USP36: variants seen among roughly 807,000 people sequenced by gnomAD.
USP36 encodes ubiquitin carboxyl-terminal hydrolase 36.
A neutral mutation model predicts 111.5 loss-of-function variants in USP36; 59 were observed. The observed-to-expected ratio is 0.53, with a 90% CI of 0.43 to 0.66. The LOEUF (loss-of-function observed/expected upper bound fraction) is 0.66, where lower values mean the gene tolerates loss of function less well. Ranked by LOEUF, USP36 falls within the 30% of genes least tolerant of loss-of-function variation. The pLI is 0.00. For synonymous variants in USP36, 628 were observed against 581.0 expected (o/e 1.08, Z -1.16); for missense variants, 1,488 against 1,468.0 (o/e 1.01, Z -0.22).
At chr17:78,829,082 C>T (rs1006521322) in intron 4 of USP36, 75 bp from the exon 5 acceptor site, 19 of 1,288,102 alleles carry the variant, frequency 1.5e-5, no homozygotes, top group East Asian at 7.3e-5. Flanking sequence ...CCACCCCAAA[C>T]GTTAACACAG....
Position 78,807,250 on chromosome 17 carries a change from C to G in USP36, c.1794G>C (p.Gly598=), listed in dbSNP as rs1335542626. 6.2e-7 allele frequency: 1 copy of G among 1,613,996 alleles called. No homozygotes were observed. Among genetic ancestry groups the G allele is most frequent in the Non-Finnish European group, 8.5e-7 (1 of 1,180,004 alleles). The change falls in exon 14 of 21, where the codon GGG becomes GGC. Residue 598 remains glycine, a synonymous_variant. Coordinates refer to ENST00000449938, the MANE Select transcript of USP36 (RefSeq NM_001385174.1). The stretch of plus-strand genomic sequence containing the variant: ...TGTCGAGGCCAGCGCTCTCGTCGTT[C>G]CCCTTCAGCCCATGCCCGTTGGCAG... ...TATANGHGLK[G]NDESAGLDRR... is the part of the protein sequence containing the mutation.
chr17:78,800,359 A>T (rs1162385503), intron 17 of USP36, among the ~76,000 whole-genome samples: 5 of 152,276 alleles, frequency 3.3e-5, no homozygotes. Flanking sequence ...TCCAGGGGGA[A>T]CCTGGTCCCC....
At chr17:78,816,007 G>A (rs987947474) in intron 10 of USP36, among the ~76,000 whole-genome samples, 4 of 152,008 alleles carry the variant, frequency 2.6e-5, no homozygotes, top group Non-Finnish European at 5.9e-5. Flanking sequence ...ATACATACAT[G>A]CACACACATA....
At chr17:78,810,776 G>T (rs1475582819) in intron 13 of USP36, among the ~76,000 whole-genome samples, 1 of 152,072 alleles carries the variant, frequency 6.6e-6, no homozygotes, top group Non-Finnish European at 1.5e-5. Flanking sequence ...CTGTGTGTGG[G>T]GTTCAACTCT....
chr17:78,795,060 C>G (rs929555189), downstream of USP36, among the ~76,000 whole-genome samples: 1 of 151,706 alleles, frequency 6.6e-6, no homozygotes, highest in Non-Finnish European at 1.5e-5. The surrounding 1 kb of genome is among the most constrained non-coding windows in gnomAD (Gnocchi z 4.5). Context: ...CATGTCGCCA[C>G]TGCACCCAGC....
chr17:78,812,745 G>A (rs1228928942), intron 13 of USP36, 115 bp downstream of exon 13: 27 of 810,360 alleles, frequency 3.3e-5, no homozygotes, highest in Non-Finnish European at 4.9e-5. Flanking sequence ...ACATCAACTA[G>A]AATAGTGCAA....
chr17:78,826,885 G>A, intron 6 of USP36: 1 of 580,754 alleles, frequency 1.7e-6, no homozygotes, highest in Non-Finnish European at 3.1e-6. Flanking sequence ...AAAACGACAT[G>A]ATTTTTAAGA....
chr17:78,810,238 A>G (rs1285821005), intron 13 of USP36, among the ~76,000 whole-genome samples: 2 of 151,236 alleles, frequency 1.3e-5, no homozygotes, highest in East Asian at 2.0e-4. Flanking sequence ...TCCTCCCCCA[A>G]CAGCTTACTG....
Position 78,803,735 on chromosome 17 carries a change from C to T in USP36, c.2460G>A (p.Pro820=), listed in dbSNP as rs749336576. The T allele has an allele frequency of 2.3e-5, 37 of 1,612,082 alleles. No homozygotes were observed. Among genetic ancestry groups the T allele is most frequent in the Middle Eastern group, 1.8e-4 (1 of 5,530 alleles). The change falls in exon 16 of 21, where the codon CCG becomes CCA. Residue 820 remains proline, a synonymous_variant. Transcript: ENST00000449938. The surrounding 1 kb of genome is among the most constrained non-coding windows in gnomAD (Gnocchi z 4.6). ...EKRKKTFVGE[P]QRLGSETRLP... ...GGCGCGTCTCTGAGCCCAGCCTCTG[C>T]GGCTCTCCCACAAAGGTCTTTTTCC...
intron 18 of USP36, 151 bp from the exon 19 acceptor site, chr17:78,799,174 C>T (rs756676662): frequency 9.2e-6 from 7 of 760,366 alleles, no homozygotes; most frequent in East Asian, 2.6e-5. Context: ...AAGAGGAGGA[C>T]GGCTCGACGC....
At chr17:78,810,027 A>G (rs1265670053) in intron 13 of USP36, among the ~76,000 whole-genome samples, 1 of 151,962 alleles carries the variant, frequency 6.6e-6, no homozygotes, top group African/African-American at 2.4e-5. Context: ...TTGTATTTTT[A>G]GTAGAGACAG....
At chr17:78,821,213 C>G in intron 7 of USP36, 152 bp from the exon 8 acceptor site, 1 of 650,998 alleles carries the variant, frequency 1.5e-6, no homozygotes, top group Non-Finnish European at 2.6e-6. Context: ...GGTGTCCGAA[C>G]AGAGAGCTCT....
At chr17:78,835,802 G>A (rs1271743864) in intron 3 of USP36, among the ~76,000 whole-genome samples, 1 of 152,124 alleles carries the variant, frequency 6.6e-6, no homozygotes, top group Admixed American at 6.6e-5. Context: ...ACCACACTGT[G>A]CCCACATGCA....
Position 78,796,203 on chromosome 17 carries a change from T to A in USP36, c.*1697A>T, listed in dbSNP as rs1245260858. On this transcript the variant is annotated 3_prime_UTR_variant, in exon 21 of 21. Coordinates refer to ENST00000449938, the MANE Select transcript of USP36 (RefSeq NM_001385174.1). ...GGAGAGAAAGGAACGAGATAAATTC[T>A]GTGCCAGCAGACAACTAACATTTTC... 6.6e-6 allele frequency: 1 copy of A among 152,230 alleles called. No homozygotes were observed. The highest frequency in any genetic ancestry group is 1.9e-4 in the East Asian group (1 of 5,198). 9.4% of individuals were successfully genotyped at this position (152,230 alleles called of 1,614,324 possible). A position where few individuals can be genotyped will look rare whatever the true frequency, so the allele number is the denominator to read the frequency against.
downstream of USP36, among the ~76,000 whole-genome samples, chr17:78,794,435 A>G (rs1371977149): frequency 1.3e-5 from 2 of 151,526 alleles, no homozygotes; most frequent in African/African-American, 4.9e-5. Flanking sequence ...ATGTCACCTC[A>G]CCCCACGGTG....
intron 5 of USP36, 38 bp from the exon 6 acceptor site, chr17:78,827,385 C>A: frequency 1.3e-6 from 2 of 1,578,008 alleles, no homozygotes; most frequent in Non-Finnish European, 8.6e-7. Context: ...GAGCTCGTGT[C>A]TTCTCATCAA....
At position 78,813,822 on chromosome 17, in the gene USP36, T is replaced by C. The variant is rs2094123153; in HGVS notation, c.1216A>G (p.Asn406Asp). The change falls in exon 12 of 21, where the codon AAC becomes GAC. Residue 406 changes from asparagine to aspartate, a missense_variant. Asn to Asp is a conservative substitution (Grantham distance 23). Transcript: ENST00000449938. Reference protein sequence around the residue: ...QMNDSLVHSSNVKVVLNQQAY... With the variant: ...QMNDSLVHSSDVKVVLNQQAY... ...TGCTGGTTCAGAACCACCTTGACGT[T>C]GCTGGAATGGACCAAGGAATCATTC... The C allele has an allele frequency of 3.1e-6, 5 of 1,614,168 alleles. No individual in the cohort carries two copies. The highest frequency in any genetic ancestry group is 4.2e-6 in the Non-Finnish European group (5 of 1,180,030).
intron 6 of USP36, 53 bp from the exon 7 acceptor site, chr17:78,822,057 G>A: frequency 6.2e-7 from 1 of 1,605,254 alleles, no homozygotes; most frequent in Non-Finnish European, 8.5e-7. Context: ...ATGACACGAG[G>A]GATGGCCCCA....
At chr17:78,806,596 G>A (rs2093908529) in intron 14 of USP36, among the ~76,000 whole-genome samples, 2 of 152,224 alleles carry the variant, frequency 1.3e-5, no homozygotes, top group Admixed American at 1.3e-4. Flanking sequence ...CCCCACTGGG[G>A]CTCTGCGCTT....
Sources: gnomAD v4.1 joint callset for allele counts (sites outside exome capture counted in the v4.1 genomes callset) on GRCh38, gnomAD v4.1.1 for gene constraint, Gnocchi (gnomAD v3.1) non-coding constraint, MANE v1.5 for transcripts, NCBI Gene and HGNC (gene_info 2026-07-23, HGNC 2026-07-21) for gene names.